Variants in LHFPL3 observed in about 807,000 individuals in gnomAD.
LHFPL3 encodes LHFPL tetraspan subfamily member 3 protein.
Under a neutral mutation model 19.3 loss-of-function variants are expected in LHFPL3, and 5 were observed. That is an observed-to-expected ratio of 0.26 (90% CI 0.14 to 0.54). The LOEUF (loss-of-function observed/expected upper bound fraction) is 0.54, where lower values mean the gene tolerates loss of function less well. Ranked by LOEUF, LHFPL3 falls within the 20% of genes least tolerant of loss-of-function variation. The pLI, the probability that LHFPL3 is intolerant of heterozygous loss-of-function variation, is 0.94. For missense variants in LHFPL3, 249 were observed against 307.4 expected (o/e 0.81, Z 1.42); for synonymous variants, 133 against 126.2 (o/e 1.05, Z -0.36).
At chr7:104,807,610 A>G (rs1249736990) in intron 2 of LHFPL3, among the ~76,000 whole-genome samples, 1 of 152,244 alleles carries the variant, frequency 6.6e-6, no homozygotes, top group Admixed American at 6.5e-5. Context: ...CTGTACCATA[A>G]CAAGTTCTCA....
chr7:104,410,676 CATAA>C (rs71953028), intron 1 of LHFPL3, among the ~76,000 whole-genome samples: 3,483 of 152,256 alleles, frequency 0.023, 133 homozygotes, highest in African/African-American at 0.079. Context: ...ATGCAAAAGA[CATAA>C]ATAGTGCATT....
rs199542566 is a variant in LHFPL3, at chr7:104,347,987, C to CA, written c.445+18765dup. 8.7e-3 allele frequency among the ~76,000 whole-genome samples: 1,325 copies of CA among 152,158 alleles called. 17 individuals carry two copies. The highest frequency in any genetic ancestry group is 0.03 in the African/African-American group (1,241 of 41,518). On this transcript the variant is annotated intron_variant, in intron 1 of 2. Coordinates refer to ENST00000424859, the MANE Select transcript of LHFPL3 (RefSeq NM_199000.3). The stretch of plus-strand genomic sequence containing the variant: ...TTTCTATTAGAAACTGATATAAAGA[C>CA]AATTTCTCAGCTCTTTATAGAGAAA...
In LHFPL3 at chr7:104,384,857, A is replaced by G. The variant is rs190292583; in HGVS notation, c.445+55633A>G. Among the ~76,000 whole-genome samples the G allele has an allele frequency of 3.3e-3, 496 of 152,108 alleles. 6 individuals carry two copies. The highest frequency in any genetic ancestry group is 0.014 in the Middle Eastern group (4 of 294). On this transcript the variant is annotated intron_variant, in intron 1 of 2. Transcript: ENST00000424859. Reference sequence around the variant, plus strand: ...GAGGGGCTGTCCAGAAATGTCATATATAAATAGAGGAATCAGCAAGGAGGA... The same window carrying G: ...GAGGGGCTGTCCAGAAATGTCATATGTAAATAGAGGAATCAGCAAGGAGGA...
intron 1 of LHFPL3, among the ~76,000 whole-genome samples, chr7:104,372,926 A>G (rs921432921): frequency 6.7e-6 from 1 of 150,340 alleles, no homozygotes; most frequent in Admixed American, 6.6e-5. Context: ...CTCATTGATC[A>G]TACTTCTGAG....
chr7:104,737,449 T>C (rs1793850547), intron 2 of LHFPL3, among the ~76,000 whole-genome samples: 1 of 152,212 alleles, frequency 6.6e-6, no homozygotes, highest in Non-Finnish European at 1.5e-5. Context: ...CCTAATTAGC[T>C]GAATTTTAAA....
intron 1 of LHFPL3, among the ~76,000 whole-genome samples, chr7:104,509,233 A>G (rs1302486037): frequency 6.6e-6 from 1 of 150,600 alleles, no homozygotes; most frequent in Non-Finnish European, 1.5e-5. Flanking sequence ...TGATACCAAA[A>G]CCAAAGACAG....
intron 1 of LHFPL3, among the ~76,000 whole-genome samples, chr7:104,520,985 G>GCTAGCTTTTGAATGTGTTTGCT (rs1290726865): frequency 1.3e-5 from 2 of 150,984 alleles, no homozygotes; most frequent in African/African-American, 4.9e-5. Flanking sequence ...CTTGCCTTCT[G>GCTAGCTTTTGAATGTGTTTGCT]CTAGCTTTTG....
At chr7:104,534,296 A>T (rs1375282064) in intron 1 of LHFPL3, among the ~76,000 whole-genome samples, 1 of 152,182 alleles carries the variant, frequency 6.6e-6, no homozygotes, top group African/African-American at 2.4e-5. Context: ...AACTCTAGAG[A>T]TCATAGCTCA....
intron 2 of LHFPL3, among the ~76,000 whole-genome samples, chr7:104,844,907 ATTTTGTATTTTTAGTAGAAATGGGG>A (rs1791284445): frequency 6.6e-6 from 1 of 152,022 alleles, no homozygotes; most frequent in Non-Finnish European, 1.5e-5. Flanking sequence ...ACCCAGCTAA[ATTTTGTATTTTTAGTAGAAATGGGG>A]TTTTGCCATG....
intron 1 of LHFPL3, among the ~76,000 whole-genome samples, chr7:104,575,239 C>G (rs1790303296): frequency 6.6e-6 from 1 of 152,190 alleles, no homozygotes; most frequent in Non-Finnish European, 1.5e-5. Flanking sequence ...AGCTAGATAT[C>G]AAGACCCCTG....
At chr7:104,714,398 C>T (rs1793348394) in intron 1 of LHFPL3, among the ~76,000 whole-genome samples, 2 of 151,808 alleles carry the variant, frequency 1.3e-5, no homozygotes, top group Admixed American at 1.3e-4. Context: ...GGATAAATTG[C>T]TTCAAAGAGT....
chr7:104,565,717 GTCTGTCTA>G (rs1167379278), intron 1 of LHFPL3, among the ~76,000 whole-genome samples: 22 of 121,718 alleles, frequency 1.8e-4, no homozygotes, highest in East Asian at 7.2e-4. Context: ...CTTCCTGTCT[GTCTGTCTA>G]TCTATCTATC....
intron 2 of LHFPL3, among the ~76,000 whole-genome samples, chr7:104,771,452 A>C (rs575059375): frequency 1.3e-5 from 2 of 152,192 alleles, no homozygotes; most frequent in South Asian, 4.2e-4. Flanking sequence ...GGCTCTTTTT[A>C]CTGGAAAATG....
Position 104,560,551 on chromosome 7 carries a change from T to C in LHFPL3, c.446-176124T>C, listed in dbSNP as rs1478941605. On this transcript the variant is annotated intron_variant, in intron 1 of 2. Transcript: ENST00000424859. ...ATCCCCTTTATCATTTTTTATTGCG[T>C]CTATTTGATTCTTCTCTCTTTTTTT... Among the ~76,000 whole-genome samples the C allele has an allele frequency of 2.9e-3, 432 of 151,198 alleles. 2 individuals are homozygous for C. Among genetic ancestry groups the C allele is most frequent in the Non-Finnish European group, 4.1e-3 (276 of 67,512 alleles).
At chr7:104,793,587 C>CAACCATTCA (rs1790064020) in intron 2 of LHFPL3, among the ~76,000 whole-genome samples, 1 of 152,206 alleles carries the variant, frequency 6.6e-6, no homozygotes, top group African/African-American at 2.4e-5. Flanking sequence ...AACTAACACT[C>CAACCATTCA]ACAGTCATTA....
intron 2 of LHFPL3, chr7:104,845,233 C>G (rs927367740): frequency 3.1e-6 from 2 of 647,642 alleles, no homozygotes; most frequent in Non-Finnish European, 5.5e-6. Context: ...TGATTTTCCT[C>G]AAGTATGTGC....
chr7:104,755,617 C>A (rs1313112846), intron 2 of LHFPL3, among the ~76,000 whole-genome samples: 5 of 151,804 alleles, frequency 3.3e-5, no homozygotes, highest in African/African-American at 4.8e-5. Flanking sequence ...GAAACACCCA[C>A]ATATATTAAT....
intron 1 of LHFPL3, among the ~76,000 whole-genome samples, chr7:104,391,209 T>G (rs1266078489): frequency 6.6e-6 from 1 of 152,200 alleles, no homozygotes; most frequent in Non-Finnish European, 1.5e-5. Flanking sequence ...TTTGTCAATT[T>G]TGGTTTTTGT....
chr7:104,668,525 C>A lies in LHFPL3; in HGVS notation c.446-68150C>A, dbSNP rs1792405526. The A allele has an allele frequency of 1.9e-6, 3 of 1,613,086 alleles. No individual in the cohort carries two copies. The African/African-American group carries it at 4.0e-5, about 22-fold the overall frequency. On this transcript the variant is annotated intron_variant, in intron 1 of 2. Transcript: ENST00000424859. ...GGGATCGCTATGATGACCGAGGCAG[C>A]AGAGACTATGATAGAGGCTATGATT...
Sources: allele counts gnomAD v4.1 joint callset (sites outside exome capture counted in the v4.1 genomes callset), GRCh38; gene constraint gnomAD v4.1.1; transcripts MANE v1.5; gene names NCBI Gene and HGNC (gene_info 2026-07-23, HGNC 2026-07-21).